Variants in SLC5A4 observed in about 807,000 individuals in gnomAD.
SLC5A4 encodes probable glucose sensor protein SLC5A4.
SLC5A4 carries 55 observed loss-of-function variants against 70.3 expected under a neutral mutation model. The observed-to-expected ratio is 0.78, with a 90% CI of 0.63 to 0.98. SLC5A4 has a LOEUF of 0.98. SLC5A4 is among the 50% of genes least tolerant of loss of function. The pLI is 0.00. For missense variants in SLC5A4, 735 were observed against 839.2 expected, an observed-to-expected ratio of 0.88 and a Z score of 1.53; for synonymous variants, 268 against 305.7, an observed-to-expected ratio of 0.88 and a Z score of 1.29.
rs772776238 is a variant in SLC5A4 at position 32,231,115 on chromosome 22, T to G, written c.1022-40A>C. 10 of 1,201,498 alleles carry G rather than the reference T, an allele frequency of 8.3e-6. No individual in the cohort carries two copies. In the Admixed American group the frequency reaches 1.7e-4, roughly 20 times the overall value. The allele number at this position is 1,201,498 out of a possible 1,614,324, so 74.4% of individuals were successfully genotyped here. On this transcript the variant is annotated intron_variant, in intron 9 of 14. Coordinates refer to ENST00000266086, the MANE Select transcript of SLC5A4 (RefSeq NM_014227.3). ...AGAAGTGAGTCCAATGAGGCCCAAA[T>G]AGGCAAAACCAACAACCATTAAACA...
the SLC5A4 span, among the ~76,000 whole-genome samples, chr22:32,279,732 A>G: frequency 6.6e-6 from 1 of 152,234 alleles, no homozygotes; most frequent in Non-Finnish European, 1.5e-5. Flanking sequence ...TAAGTTTTAC[A>G]TGAGTTTTGA....
In SLC5A4 at chr22:32,251,848, G is replaced by A; in HGVS notation, c.234C>T (p.Asn78=). 6.2e-7 allele frequency: 1 copy of A among 1,613,882 alleles called. No homozygotes were observed. The highest frequency in any genetic ancestry group is 2.2e-5 in the East Asian group (1 of 44,884). The change falls in exon 3 of 15, where the codon AAC becomes AAT. Residue 78 remains asparagine (N), a synonymous_variant. Transcript: ENST00000266086. ...WPMGASLFAS[N]IGSNHYVGLA... ...GCCCCACATAGTGGTTGCTGCCGAT[G>A]TTACTGGCAAAGAGAGAGGCGCCCA...
intron 5 of SLC5A4, among the ~76,000 whole-genome samples, chr22:32,244,338 C>T (rs1359796933): frequency 6.6e-6 from 1 of 152,198 alleles, no homozygotes; most frequent in African/African-American, 2.4e-5. Flanking sequence ...ACTCATACTG[C>T]TTTATCCTCA....
the SLC5A4 span, among the ~76,000 whole-genome samples, chr22:32,281,742 C>A: frequency 2.0e-5 from 3 of 152,152 alleles, no homozygotes; most frequent in African/African-American, 7.2e-5. Flanking sequence ...CTTCCCGCCT[C>A]AGCCTCCTGA....
the SLC5A4 span, among the ~76,000 whole-genome samples, chr22:32,325,040 G>C: frequency 2.6e-5 from 4 of 152,224 alleles, no homozygotes; most frequent in African/African-American, 9.6e-5. Flanking sequence ...CCCTGATGCG[G>C]GAGTCACGTG....
the SLC5A4 span, among the ~76,000 whole-genome samples, chr22:32,335,857 G>T: frequency 6.6e-6 from 1 of 152,214 alleles, no homozygotes; most frequent in Non-Finnish European, 1.5e-5. Context: ...GTCCGATCTG[G>T]ACGGTGCTTA....
At chr22:32,252,243 A>G (rs1009629363) in intron 2 of SLC5A4, among the ~76,000 whole-genome samples, 2 of 151,840 alleles carry the variant, frequency 1.3e-5, no homozygotes, top group African/African-American at 2.4e-5. Context: ...AAAAAAAAAA[A>G]AAAGAAAATA....
At chr22:32,316,672 GGTGCTCGCCACC>G in the SLC5A4 span, among the ~76,000 whole-genome samples, 2 of 151,240 alleles carry the variant, frequency 1.3e-5, no homozygotes, top group Admixed American at 6.6e-5. Context: ...TGGGATAACA[GGTGCTCGCCACC>G]ATGCTCGGCT....
the SLC5A4 span, among the ~76,000 whole-genome samples, chr22:32,264,114 C>T: frequency 2.9e-3 from 443 of 151,926 alleles, no homozygotes; most frequent in Non-Finnish European, 4.9e-3. Context: ...GTGCAGCAAA[C>T]CACCATGGCA....
chr22:32,253,957 A>G (rs1318815390), intron 2 of SLC5A4, among the ~76,000 whole-genome samples, 185 bp downstream of exon 2: 1 of 151,902 alleles, frequency 6.6e-6, no homozygotes, highest in Non-Finnish European at 1.5e-5. Context: ...TAATTTTTGT[A>G]TTTTTAGTAG....
the SLC5A4 span, among the ~76,000 whole-genome samples, chr22:32,320,481 C>T: frequency 6.6e-6 from 1 of 152,164 alleles, no homozygotes; most frequent in Non-Finnish European, 1.5e-5. Context: ...GATGCCAGGT[C>T]AAAAACAACA....
the SLC5A4 span, among the ~76,000 whole-genome samples, chr22:32,348,355 C>A: frequency 6.6e-6 from 1 of 152,214 alleles, no homozygotes; most frequent in Non-Finnish European, 1.5e-5. Context: ...GTATCCATCT[C>A]ATTTCCTGGG....
chr22:32,330,484 CTG>C, the SLC5A4 span, among the ~76,000 whole-genome samples: 10 of 101,744 alleles, frequency 9.8e-5, no homozygotes, highest in African/African-American at 1.6e-4. Flanking sequence ...GGAGGCTCCA[CTG>C]TGTGTTGGCT....
the SLC5A4 span, among the ~76,000 whole-genome samples, chr22:32,353,670 G>A: frequency 6.6e-6 from 1 of 151,884 alleles, no homozygotes; most frequent in East Asian, 2.0e-4. Context: ...ACCACCGGCA[G>A]TGTAGCATCC....
At chr22:32,307,958 C>G in the SLC5A4 span, among the ~76,000 whole-genome samples, 1 of 151,368 alleles carries the variant, frequency 6.6e-6, no homozygotes, top group Admixed American at 6.6e-5. Context: ...TAGATTTTCA[C>G]GGCAGACAAA....
chr22:32,254,490 T>C (rs1045565992), intron 1 of SLC5A4, among the ~76,000 whole-genome samples: 1 of 152,218 alleles, frequency 6.6e-6, no homozygotes, highest in Non-Finnish European at 1.5e-5. Context: ...TGAGGTATCA[T>C]TGAGCCATGC....
the SLC5A4 span, among the ~76,000 whole-genome samples, chr22:32,344,376 A>G: frequency 6.6e-6 from 1 of 152,134 alleles, no homozygotes; most frequent in East Asian, 1.9e-4. Flanking sequence ...CTCATTCCAC[A>G]TGTCCCCAGC....
chr22:32,324,743 T>C, the SLC5A4 span, among the ~76,000 whole-genome samples: 1 of 152,152 alleles, frequency 6.6e-6, no homozygotes, highest in East Asian at 1.9e-4. Context: ...GGGCAAGTCA[T>C]TAACCTCTCT....
At chr22:32,270,610 C>A in the SLC5A4 span, 1 of 736,308 alleles carries the variant, frequency 1.4e-6, no homozygotes. Flanking sequence ...CTTTGCCACG[C>A]AGGGCCCCAC....
Sources: allele counts gnomAD v4.1 joint callset (sites outside exome capture counted in the v4.1 genomes callset), GRCh38; gene constraint gnomAD v4.1.1; transcripts MANE v1.5; gene names NCBI Gene and HGNC (gene_info 2026-07-23, HGNC 2026-07-21).